Variants in DNAH10 observed in about 807,000 individuals in gnomAD.
DNAH10 encodes the protein axonemal beta dynein heavy chain 10.
In DNAH10, 348 loss-of-function variants were observed where a neutral mutation model predicts 506.6. The ratio of observed to expected loss-of-function variants is 0.69; its 90% confidence interval spans 0.63 to 0.75. The LOEUF is 0.75. Among genes scored for constraint, DNAH10 ranks in the 30% least tolerant of loss-of-function variants. The pLI is 0.00. For missense variants in DNAH10, 5,179 were observed against 5,787.1 expected, an observed-to-expected ratio of 0.89 and a Z score of 3.41; for synonymous variants, 2,059 against 2,198.6, an observed-to-expected ratio of 0.94 and a Z score of 1.78.
intron 48 of DNAH10, 140 bp from the exon 49 acceptor site, chr12:123,879,124 G>A (rs1203424252): frequency 6.3e-6 from 4 of 637,034 alleles, no homozygotes; most frequent in East Asian, 5.5e-5. Flanking sequence ...TTTCATTAAC[G>A]TGAGACTAGG....
rs2137236393 is a variant in DNAH10, at chr12:123,897,845, A to G, written c.9356A>G (p.Asp3119Gly). 3.1e-6 allele frequency: 5 copies of G among 1,612,012 alleles called. No individual in the cohort carries two copies. Among genetic ancestry groups the G allele is most frequent in the Non-Finnish European group, 4.2e-6 (5 of 1,179,412 alleles). ...GTTGTCTTGGTTCACCAATCCGTGGACCACTACAGCCAACAGTTTCTACAG... is the reference window on the plus strand; with the variant it reads ...GTTGTCTTGGTTCACCAATCCGTGGGCCACTACAGCCAACAGTTTCTACAG... ...KHVVLVHQSV[D>G]HYSQQFLQKL... Residue 3119 changes from aspartate (D) to glycine (G), a missense_variant, in exon 55 of 79, where the codon GAC becomes GGC. By Grantham distance (94) the Asp-to-Gly change is moderately conservative. Coordinates refer to ENST00000673944, the MANE Select transcript of DNAH10 (RefSeq NM_001372106.1).
chr12:123,773,910 T>C (rs1957345339), intron 4 of DNAH10, among the ~76,000 whole-genome samples: 1 of 152,264 alleles, frequency 6.6e-6, no homozygotes, highest in Non-Finnish European at 1.5e-5. Flanking sequence ...TCAGCAAATG[T>C]GTGCAGCTCT....
chr12:123,926,595 T>C lies in DNAH10; in HGVS notation c.11922-42T>C. On this transcript the variant is annotated intron_variant, in intron 68 of 78. Transcript: ENST00000673944. This position sits in a 1 kb window ranked among gnomAD's most constrained non-coding sequence, Gnocchi z 4.1. ...GACAGACCAGCCCCTGGTCTGGAGCTGTCCTCGCGGGAGAGTTTTCTGACT... is the reference window on the plus strand; with the variant it reads ...GACAGACCAGCCCCTGGTCTGGAGCCGTCCTCGCGGGAGAGTTTTCTGACT... 2 of 1,593,528 alleles carry C rather than the reference T, an allele frequency of 1.3e-6. No individual in the cohort carries two copies. The highest frequency in any genetic ancestry group is 1.7e-6 in the Non-Finnish European group (2 of 1,169,366).
At chr12:123,911,171 C>CA (rs375061139) in intron 59 of DNAH10, among the ~76,000 whole-genome samples, 32,782 of 110,802 alleles carry the variant, frequency 0.3, 4,590 homozygotes, top group African/African-American at 0.39. Flanking sequence ...GACCCTGTCT[C>CA]AAAAAAAAAA....
In DNAH10 at chr12:123,851,620, C is replaced by T. The variant is rs56923134; in HGVS notation, c.6291+544C>T. Among the ~76,000 whole-genome samples, 19 of 152,382 alleles carry T rather than the reference C, an allele frequency of 1.2e-4. No individual in the cohort carries two copies. The East Asian group carries it at 3.1e-3, about 25-fold the overall frequency. On this transcript the variant is annotated intron_variant, in intron 35 of 78. Coordinates refer to ENST00000673944, the MANE Select transcript of DNAH10 (RefSeq NM_001372106.1). Reference sequence around the variant, plus strand: ...GCCCAAACCAGGGAGTTGGTGTTGGCACAAGTGCCATTAACTCAGGTGTAG... The same window carrying T: ...GCCCAAACCAGGGAGTTGGTGTTGGTACAAGTGCCATTAACTCAGGTGTAG...
rs1950961913 is a variant in DNAH10 at position 123,846,687 on chromosome 12, T to G, written c.5814+533T>G. Among the ~76,000 whole-genome samples the G allele has an allele frequency of 6.6e-6, 1 of 151,832 alleles. No individual in the cohort carries two copies. The highest frequency in any genetic ancestry group is 2.1e-4 in the South Asian group (1 of 4,800). ...TTCTTTTTTTAAATTAGAGATGAGGTCTTGATATGTTGCCCAGGCTTGCCT... is the reference window on the plus strand; with the variant it reads ...TTCTTTTTTTAAATTAGAGATGAGGGCTTGATATGTTGCCCAGGCTTGCCT... On this transcript the variant is annotated intron_variant, in intron 32 of 78. Transcript: ENST00000673944. The surrounding 1 kb of genome is among the most constrained non-coding windows in gnomAD (Gnocchi z 4.5).
At chr12:123,896,142 CACACACAGAGAGAGAGAG>C (rs1376960098) in intron 54 of DNAH10, among the ~76,000 whole-genome samples, 18 of 113,714 alleles carry the variant, frequency 1.6e-4, no homozygotes, top group African/African-American at 4.3e-4. Flanking sequence ...CACACACACA[CACACACAGAGAGAGAGAG>C]AGAGAGAGAG....
chr12:123,802,458 A>T (rs1479421676), intron 16 of DNAH10, among the ~76,000 whole-genome samples: 2 of 152,172 alleles, frequency 1.3e-5, no homozygotes, highest in Admixed American at 6.5e-5. Context: ...GGCACCTGCC[A>T]CCACTTCTGG....
chr12:123,829,047 G>A (rs77914770), intron 25 of DNAH10, among the ~76,000 whole-genome samples: 7,643 of 152,212 alleles, frequency 0.05, 250 homozygotes, highest in African/African-American at 0.093. Context: ...ATCAATCGCC[G>A]TGACATGGGT....
chr12:123,928,097 C>T lies in DNAH10; in HGVS notation c.12106-290C>T, dbSNP rs776638800. On this transcript the variant is annotated intron_variant, in intron 69 of 78. Coordinates refer to ENST00000673944, the MANE Select transcript of DNAH10 (RefSeq NM_001372106.1). The surrounding 1 kb of genome is among the most constrained non-coding windows in gnomAD (Gnocchi z 4.9). ...CTCAGGAGTCCTCAGGGGACAGGAG[C>T]GACTGTGTGGGAGGAGCTGGGACTT... The T allele has an allele frequency of 1.8e-4, 95 of 533,106 alleles. No homozygotes were observed. Among genetic ancestry groups the T allele is most frequent in the Non-Finnish European group, 2.9e-4 (87 of 296,762 alleles). The allele number at this position is 533,106 out of a possible 1,614,324, so 33.0% of individuals were successfully genotyped here.
rs1196990147 is a variant in DNAH10, at chr12:123,769,928, T to TG, written c.299-1673_299-1672insG. Among the ~76,000 whole-genome samples, 56 of 150,674 alleles carry TG rather than the reference T, an allele frequency of 3.7e-4. 1 individual carries two copies. The highest frequency in any genetic ancestry group is 1.3e-3 in the African/African-American group (53 of 41,002). On this transcript the variant is annotated intron_variant, in intron 2 of 78. Coordinates refer to ENST00000673944, the MANE Select transcript of DNAH10 (RefSeq NM_001372106.1). ...GCCACCATGCCTGGCTAAGGTTTTT[T>TG]TTTTTTTTTTTAACTTAAATTTAAT... is the stretch of plus-strand genomic sequence containing the variant.
chr12:123,799,191 G>GCTCGCCGTATC, intron 13 of DNAH10, 55 bp from the exon 14 acceptor site: 2 of 1,502,210 alleles, frequency 1.3e-6, no homozygotes, highest in South Asian at 2.5e-5. Context: ...TGTAGAGCGA[G>GCTCGCCGTATC]ATGAAAAATG....
chr12:123,766,961 A>C (rs546696304), intron 1 of DNAH10, among the ~76,000 whole-genome samples: 4 of 144,914 alleles, frequency 2.8e-5, no homozygotes. Flanking sequence ...GCTGGAGTGC[A>C]GTGGTGTGAT....
intron 49 of DNAH10, 98 bp downstream of exon 49, chr12:123,879,455 T>C (rs1200105672): frequency 1.8e-5 from 27 of 1,483,434 alleles, no homozygotes; most frequent in Non-Finnish European, 2.5e-5. Context: ...TGTGGAAAAA[T>C]AGGCACGAAA....
chr12:123,774,303 A>G lies in DNAH10; in HGVS notation c.621+39A>G, dbSNP rs1285741347. 6 of 1,458,998 alleles carry G rather than the reference A, an allele frequency of 4.1e-6. No individual in the cohort carries two copies. In the African/African-American group the frequency reaches 8.5e-5, roughly 21 times the overall value. 90.4% of individuals were successfully genotyped at this position (1,458,998 alleles called of 1,614,324 possible). On this transcript the variant is annotated intron_variant, in intron 5 of 78. Transcript: ENST00000673944. ...AAGGAAGAAATTCTAGTATTTCTAA[A>G]GTTGAGGTCATGTGGTTTGTTTATT...
intron 40 of DNAH10, among the ~76,000 whole-genome samples, chr12:123,865,438 T>G (rs186411366): frequency 2.0e-5 from 3 of 152,194 alleles, no homozygotes; most frequent in Admixed American, 1.3e-4. Context: ...AACTGTAAAA[T>G]TTGTCAGTGC....
intron 36 of DNAH10, among the ~76,000 whole-genome samples, chr12:123,856,312 ATG>A (rs934954251): frequency 1.2e-4 from 18 of 149,036 alleles, no homozygotes; most frequent in African/African-American, 2.2e-4. Flanking sequence ...GTGTATATAT[ATG>A]TGTGTGTGTG....
intron 45 of DNAH10, among the ~76,000 whole-genome samples, chr12:123,873,264 G>A (rs953219623): frequency 1.3e-5 from 2 of 152,214 alleles, no homozygotes; most frequent in East Asian, 1.9e-4. Flanking sequence ...TTTGGAAGTC[G>A]CCTTGCTAGA....
At chr12:123,908,296 C>A (rs79810037) in intron 57 of DNAH10, 2 of 454,492 alleles carry the variant, frequency 4.4e-6, no homozygotes, top group Non-Finnish European at 8.8e-6. Flanking sequence ...GTGTCTCCCC[C>A]TCTGTCCCTC....
Sources: gnomAD v4.1 joint callset for allele counts (sites outside exome capture counted in the v4.1 genomes callset) on GRCh38, gnomAD v4.1.1 for gene constraint, Gnocchi (gnomAD v3.1) non-coding constraint, MANE v1.5 for transcripts, NCBI Gene and HGNC (gene_info 2026-07-23, HGNC 2026-07-21) for gene names.